The following NFIB variants were observed in gnomAD, a reference collection of about 807,000 sequenced individuals.
NFIB encodes the protein nuclear factor 1 B-type.
In NFIB, 11 loss-of-function variants were observed where a neutral mutation model predicts 61.5. That is an observed-to-expected ratio of 0.18 (90% CI 0.11 to 0.30). The LOEUF (loss-of-function observed/expected upper bound fraction) is 0.30, where lower values mean the gene tolerates loss of function less well. NFIB is among the 10% of genes least tolerant of loss of function. The pLI is 1.00. For synonymous variants in NFIB, 260 were observed against 216.5 expected (o/e 1.20, Z -1.76); for missense variants, 471 against 608.9 (o/e 0.77, Z 2.38).
chr9:14,452,656 C>T, the NFIB span, among the ~76,000 whole-genome samples: 2 of 152,142 alleles, frequency 1.3e-5, no homozygotes, highest in South Asian at 4.1e-4. Flanking sequence ...ATATTTGGCC[C>T]TATTCCCTAG....
the NFIB span, among the ~76,000 whole-genome samples, chr9:14,413,324 G>A: frequency 6.6e-6 from 1 of 152,180 alleles, no homozygotes; most frequent in African/African-American, 2.4e-5. Flanking sequence ...ACTCCACAAT[G>A]AGGAGTGGGG....
intron 1 of NFIB, among the ~76,000 whole-genome samples, chr9:14,368,395 T>C (rs1368387881): frequency 2.6e-5 from 4 of 152,216 alleles, no homozygotes; most frequent in Non-Finnish European, 5.9e-5. Context: ...TTAAAAGTTG[T>C]TTACTTACTA....
At chr9:14,355,914 G>A (rs1040555151) in intron 1 of NFIB, among the ~76,000 whole-genome samples, 7 of 151,270 alleles carry the variant, frequency 4.6e-5, no homozygotes, top group Non-Finnish European at 7.4e-5. Flanking sequence ...CTGAGATCAC[G>A]CCACTGCACT....
At chr9:14,531,485 A>G in the NFIB span, among the ~76,000 whole-genome samples, 1 of 152,162 alleles carries the variant, frequency 6.6e-6, no homozygotes, top group African/African-American at 2.4e-5. Context: ...TCGCATACTG[A>G]TGAGGGAGCC....
intron 2 of NFIB, among the ~76,000 whole-genome samples, chr9:14,224,366 G>T (rs572638767): frequency 1.3e-5 from 2 of 152,178 alleles, no homozygotes; most frequent in Non-Finnish European, 2.9e-5. Flanking sequence ...GAACTAAAGA[G>T]AATATTTAGA....
chr9:14,528,151 C>T, the NFIB span, among the ~76,000 whole-genome samples: 2 of 152,266 alleles, frequency 1.3e-5, no homozygotes, highest in Non-Finnish European at 2.9e-5. Flanking sequence ...GAAATGTTTG[C>T]TGTGAAAACA....
chr9:14,478,103 G>C, the NFIB span, among the ~76,000 whole-genome samples: 323 of 152,178 alleles, frequency 2.1e-3, 2 homozygotes, highest in African/African-American at 7.6e-3. Context: ...TGACTTATAT[G>C]GTCAACTTGG....
upstream of NFIB, among the ~76,000 whole-genome samples, chr9:14,315,567 G>T (rs1439403340): frequency 7.0e-6 from 1 of 143,216 alleles, no homozygotes; most frequent in African/African-American, 2.5e-5. Context: ...GCGCGCGCGC[G>T]CCGCTGCAGC....
the NFIB span, among the ~76,000 whole-genome samples, chr9:14,424,217 TG>T: frequency 6.6e-6 from 1 of 152,190 alleles, no homozygotes; most frequent in African/African-American, 2.4e-5. Context: ...TTGAAACACT[TG>T]TGCCTCAGCC....
intron 1 of NFIB, among the ~76,000 whole-genome samples, chr9:14,382,341 GTGA>G (rs1385641677): frequency 1.4e-5 from 2 of 144,614 alleles, no homozygotes; most frequent in Admixed American, 1.4e-4. Context: ...GAGGCAGAAA[GTGA>G]TGAGAGAGAG....
chr9:14,401,755 A>G (rs968640244), upstream of NFIB, among the ~76,000 whole-genome samples: 1 of 152,078 alleles, frequency 6.6e-6, no homozygotes, highest in African/African-American at 2.4e-5. Context: ...TTTTAATCTT[A>G]TCTCTTATGG....
At chr9:14,409,505 G>C in the NFIB span, among the ~76,000 whole-genome samples, 6 of 152,150 alleles carry the variant, frequency 3.9e-5, no homozygotes, top group Admixed American at 3.9e-4. Context: ...CCTGGCCCAG[G>C]CAGCAGCAAC....
At chr9:14,125,036 G>A (rs2130881397) in intron 7 of NFIB, among the ~76,000 whole-genome samples, 1 of 152,262 alleles carries the variant, frequency 6.6e-6, no homozygotes, top group South Asian at 2.1e-4. Flanking sequence ...GACTAATCCT[G>A]AAGCTATAAT....
chr9:14,090,269 C>T (rs2033666104), intron 10 of NFIB, among the ~76,000 whole-genome samples: 1 of 152,030 alleles, frequency 6.6e-6, no homozygotes, highest in Admixed American at 6.6e-5. Context: ...GATGAAAAAT[C>T]GTAACTCTTA....
chr9:14,112,686 A>G (rs1419183938), intron 10 of NFIB, among the ~76,000 whole-genome samples: 1 of 152,192 alleles, frequency 6.6e-6, no homozygotes, highest in Non-Finnish European at 1.5e-5. Flanking sequence ...TTTGTCTTTG[A>G]AAGCTATAGT....
chr9:14,299,762 C>G (rs2059649292), intron 2 of NFIB, among the ~76,000 whole-genome samples: 2 of 152,182 alleles, frequency 1.3e-5, no homozygotes. Flanking sequence ...AAGCTATCAT[C>G]ATAAACAGAA....
the NFIB span, among the ~76,000 whole-genome samples, chr9:14,450,528 G>C: frequency 2.6e-5 from 4 of 152,126 alleles, no homozygotes; most frequent in African/African-American, 9.6e-5. Flanking sequence ...TCTGTACTTT[G>C]AAAACCTCCC....
chr9:14,511,083 G>T, the NFIB span, among the ~76,000 whole-genome samples: 55 of 152,160 alleles, frequency 3.6e-4, no homozygotes, highest in African/African-American at 1.3e-3. Flanking sequence ...GATAAATATT[G>T]CCAATTTGCC....
intron 3 of NFIB, among the ~76,000 whole-genome samples, chr9:14,159,524 G>A (rs140393501): frequency 5.9e-5 from 9 of 152,264 alleles, no homozygotes; most frequent in African/African-American, 1.7e-4. Context: ...TCAGCCAAGT[G>A]GGGTAGCCTG....
Sources: allele counts gnomAD v4.1 joint callset (sites outside exome capture counted in the v4.1 genomes callset), GRCh38; gene constraint gnomAD v4.1.1; transcripts MANE v1.5; gene names NCBI Gene and HGNC (gene_info 2026-07-23, HGNC 2026-07-21).